Variants in NREP observed in about 807,000 individuals in gnomAD.
NREP encodes neuronal regeneration-related protein.
In NREP, 5 loss-of-function variants were observed where a neutral mutation model predicts 8.6. That is an observed-to-expected ratio of 0.58 (90% CI 0.30 to 1.22). NREP has a LOEUF of 1.22. Among genes scored for constraint, NREP ranks in the 50% most tolerant of loss-of-function variants. NREP has a pLI of 0.07. For synonymous variants in NREP, 27 were observed against 28.0 expected (o/e 0.96, Z 0.11); for missense variants, 86 against 82.5 (o/e 1.04, Z -0.17).
intron 2 of NREP, among the ~76,000 whole-genome samples, chr5:111,865,869 G>A (rs11241141): frequency 0.25 from 37,287 of 152,080 alleles, 5,724 homozygotes; most frequent in South Asian, 0.49. Flanking sequence ...GAGCAACTTT[G>A]ATCAAAACTA....
At chr5:111,810,920 C>T (rs754950374) in intron 2 of NREP, among the ~76,000 whole-genome samples, 44 of 152,124 alleles carry the variant, frequency 2.9e-4, no homozygotes, top group Non-Finnish European at 5.9e-4. Context: ...CATACTTATT[C>T]AAAATTACTT....
chr5:111,736,170 G>C (rs1309305062), intron 2 of NREP, among the ~76,000 whole-genome samples: 2 of 152,118 alleles, frequency 1.3e-5, no homozygotes, highest in African/African-American at 4.8e-5. Flanking sequence ...TAAGGTTGCC[G>C]ACCAGCTGTT....
At chr5:111,916,942 A>G (rs1755076312) in intron 2 of NREP, among the ~76,000 whole-genome samples, 1 of 152,128 alleles carries the variant, frequency 6.6e-6, no homozygotes, top group African/African-American at 2.4e-5. Context: ...GTTAATTAAA[A>G]TGCTTTAGAG....
chr5:111,974,671 C>T (rs965973341), intron 2 of NREP, among the ~76,000 whole-genome samples: 1 of 152,212 alleles, frequency 6.6e-6, no homozygotes. Context: ...CTATAAAACT[C>T]ATCACTATAA....
chr5:111,784,949 G>T (rs1751574549), intron 2 of NREP, among the ~76,000 whole-genome samples: 1 of 152,118 alleles, frequency 6.6e-6, no homozygotes, highest in African/African-American at 2.4e-5. Flanking sequence ...GGGGGGAGCT[G>T]CTCTAGCCAA....
chr5:111,795,187 A>C (rs1227527361), intron 2 of NREP, among the ~76,000 whole-genome samples: 1 of 152,186 alleles, frequency 6.6e-6, no homozygotes, highest in Non-Finnish European at 1.5e-5. Flanking sequence ...TCATACAAAT[A>C]AATGGGGAAG....
At chr5:111,885,341 G>C (rs1447690260) in intron 2 of NREP, among the ~76,000 whole-genome samples, 4 of 151,840 alleles carry the variant, frequency 2.6e-5, no homozygotes, top group East Asian at 1.9e-4. Flanking sequence ...CAAACAAATG[G>C]AAGAACATTC....
chr5:111,810,897 A>G (rs1752254511), intron 2 of NREP, among the ~76,000 whole-genome samples: 1 of 152,210 alleles, frequency 6.6e-6, no homozygotes, highest in African/African-American at 2.4e-5. Context: ...TTTCAAGTGC[A>G]TTACAAGTAC....
At chr5:111,942,814 A>G (rs1337557163) in intron 2 of NREP, among the ~76,000 whole-genome samples, 1 of 151,884 alleles carries the variant, frequency 6.6e-6, no homozygotes, top group Non-Finnish European at 1.5e-5. Flanking sequence ...CAAATCCTGT[A>G]TTCATCTCAT....
At chr5:111,952,308 A>G (rs374653123) in intron 2 of NREP, among the ~76,000 whole-genome samples, 1 of 152,152 alleles carries the variant, frequency 6.6e-6, no homozygotes, top group Admixed American at 6.5e-5. Flanking sequence ...AGTCAAAGAA[A>G]TAAGGATTCA....
At chr5:111,969,026 T>A (rs1230539904) in intron 2 of NREP, among the ~76,000 whole-genome samples, 1 of 152,170 alleles carries the variant, frequency 6.6e-6, no homozygotes, top group Admixed American at 6.5e-5. Context: ...CCAGAGAGTA[T>A]AAAGGAATTT....
chr5:111,894,176 G>A (rs1014784780), intron 2 of NREP, among the ~76,000 whole-genome samples: 12 of 151,980 alleles, frequency 7.9e-5, no homozygotes, highest in East Asian at 1.9e-4. Context: ...CCGAGATCAC[G>A]CCATTGCACT....
chr5:111,934,972 C>T (rs1755642274), intron 2 of NREP, among the ~76,000 whole-genome samples: 1 of 149,942 alleles, frequency 6.7e-6, no homozygotes, highest in Non-Finnish European at 1.5e-5. Flanking sequence ...AGATCCGAAA[C>T]ATAGTAGGGT....
intron 2 of NREP, among the ~76,000 whole-genome samples, chr5:111,837,148 T>C (rs2112943347): frequency 6.6e-6 from 1 of 152,208 alleles, no homozygotes; most frequent in East Asian, 1.9e-4. Context: ...TAGATACTAT[T>C]ACAGTGAATA....
At chr5:111,849,190 C>G (rs1753251800) in intron 2 of NREP, among the ~76,000 whole-genome samples, 1 of 151,982 alleles carries the variant, frequency 6.6e-6, no homozygotes, top group Non-Finnish European at 1.5e-5. Flanking sequence ...GTGAAAGCAC[C>G]CTGGTAGACA....
At chr5:111,955,786 T>A (rs1462702055) in intron 2 of NREP, among the ~76,000 whole-genome samples, 1 of 151,560 alleles carries the variant, frequency 6.6e-6, no homozygotes, top group Non-Finnish European at 1.5e-5. Flanking sequence ...AGCTAAAGTC[T>A]AGCAACCCAC....
At chr5:111,836,825 T>C (rs779157626) in intron 2 of NREP, among the ~76,000 whole-genome samples, 1 of 151,982 alleles carries the variant, frequency 6.6e-6, no homozygotes, top group Non-Finnish European at 1.5e-5. Context: ...TTCAAAAGGG[T>C]GTCCCGTGTT....
chr5:111,757,800 G>C, upstream of NREP: 9 of 969,364 alleles, frequency 9.3e-6, no homozygotes, highest in African/African-American at 3.5e-5. Context: ...CCGCCTCGAC[G>C]TGCGGTTGCT....
intron 2 of NREP, among the ~76,000 whole-genome samples, chr5:111,787,993 G>A (rs1751650887): frequency 6.6e-6 from 1 of 152,116 alleles, no homozygotes; most frequent in Non-Finnish European, 1.5e-5. Flanking sequence ...AGCTACTTTG[G>A]AAGCTGGGAG....
Sources: allele counts gnomAD v4.1 joint callset (sites outside exome capture counted in the v4.1 genomes callset), GRCh38; gene constraint gnomAD v4.1.1; transcripts MANE v1.5; gene names NCBI Gene and HGNC (gene_info 2026-07-23, HGNC 2026-07-21).